The following TAF15 variants were observed in gnomAD, a reference collection of about 807,000 sequenced individuals.
TAF15 encodes the protein TATA-binding protein-associated factor 2N.
A neutral mutation model predicts 102.5 loss-of-function variants in TAF15; 37 were observed. The observed-to-expected ratio is 0.36, with a 90% CI of 0.28 to 0.47. The LOEUF (loss-of-function observed/expected upper bound fraction) is 0.47. TAF15 is among the 20% of genes least tolerant of loss of function. The probability of loss-of-function intolerance (pLI) is 0.99; values close to 1 mark genes in which losing one functional copy is unlikely to be tolerated. For missense variants in TAF15, 652 were observed against 760.7 expected (o/e 0.86, Z 1.68); for synonymous variants, 273 against 259.2 (o/e 1.05, Z -0.51).
At chr17:35,825,800 T>A (rs911252387) in intron 7 of TAF15, among the ~76,000 whole-genome samples, 3 of 151,946 alleles carry the variant, frequency 2.0e-5, no homozygotes, top group African/African-American at 7.2e-5. Flanking sequence ...TACAAAAAAT[T>A]AGCCAGACGT....
intron 1 of TAF15, among the ~76,000 whole-genome samples, chr17:35,813,374 C>T (rs540470459): frequency 9.2e-5 from 14 of 152,164 alleles, no homozygotes; most frequent in Admixed American, 3.9e-4. Context: ...TGGCTCATGC[C>T]TATAATCCCA....
At chr17:35,838,664 A>T (rs1322162233) in intron 11 of TAF15, 111 bp downstream of exon 11, 14 of 1,502,442 alleles carry the variant, frequency 9.3e-6, no homozygotes, top group African/African-American at 2.7e-5. Context: ...ACTTTTGCAG[A>T]TATTAAGAAT....
intron 11 of TAF15, among the ~76,000 whole-genome samples, chr17:35,842,085 A>T (rs2087554759): frequency 6.6e-6 from 1 of 151,554 alleles, no homozygotes; most frequent in South Asian, 2.1e-4. Flanking sequence ...CCTCCTGAGT[A>T]GCTGGGAGCT....
chr17:35,820,901 T>G (rs900817079), intron 5 of TAF15, among the ~76,000 whole-genome samples: 1 of 152,220 alleles, frequency 6.6e-6, no homozygotes, highest in Admixed American at 6.5e-5. Context: ...TATTTACTGA[T>G]AAATTTCAGG....
rs547630586 is a variant in TAF15 at position 35,821,093 on chromosome 17, A to C, written c.290+656A>C. 5.2e-4 allele frequency among the ~76,000 whole-genome samples: 79 copies of C among 152,322 alleles called. 1 individual carries two copies. The highest frequency in any genetic ancestry group is 2.4e-3 in the Admixed American group (36 of 15,294). ...ATAGTGTCAGTGATTCCCATTTTACAGAGGGTAAAGAAATTATTTGGCCTA... is the reference window on the plus strand; with the variant it reads ...ATAGTGTCAGTGATTCCCATTTTACCGAGGGTAAAGAAATTATTTGGCCTA... On this transcript the variant is annotated intron_variant, in intron 5 of 15. Coordinates refer to ENST00000605844, the MANE Select transcript of TAF15 (RefSeq NM_139215.3).
chr17:35,816,861 CGTGCAGGCTGGA>C (rs1375027752), intron 1 of TAF15: 1 of 105,212 alleles, frequency 9.5e-6, no homozygotes, highest in African/African-American at 3.8e-5. Flanking sequence ...GTCATTCAGT[CGTGCAGGCTGGA>C]GTGCAGTGGC....
At chr17:35,841,821 C>CT (rs1178053087) in intron 11 of TAF15, among the ~76,000 whole-genome samples, 2 of 151,896 alleles carry the variant, frequency 1.3e-5, no homozygotes, top group Non-Finnish European at 2.9e-5. Context: ...CCTCAGCCTT[C>CT]TGAGTAGCTA....
intron 6 of TAF15, among the ~76,000 whole-genome samples, chr17:35,823,370 A>C (rs761788566): frequency 6.6e-6 from 1 of 152,206 alleles, no homozygotes; most frequent in Non-Finnish European, 1.5e-5. Flanking sequence ...CTCAATTTAC[A>C]TTTAAATGTT....
At chr17:35,812,882 C>T (rs2087142742) in intron 1 of TAF15, among the ~76,000 whole-genome samples, 2 of 151,960 alleles carry the variant, frequency 1.3e-5, no homozygotes, top group South Asian at 2.1e-4. Flanking sequence ...AATCCCAGCC[C>T]TTTGGGATCC....
intron 7 of TAF15, among the ~76,000 whole-genome samples, chr17:35,825,720 G>A (rs1046295323): frequency 2.6e-5 from 4 of 152,036 alleles, no homozygotes; most frequent in African/African-American, 4.8e-5. Context: ...AGGCCGAGGC[G>A]GGCGGATCAC....
At chr17:35,819,725 A>C (rs1421098536) in intron 2 of TAF15, among the ~76,000 whole-genome samples, 2 of 152,292 alleles carry the variant, frequency 1.3e-5, no homozygotes, top group Admixed American at 1.3e-4. Flanking sequence ...CCCCACACCC[A>C]AGCATAATTC....
At chr17:35,828,131 C>G (rs912289807) in intron 7 of TAF15, among the ~76,000 whole-genome samples, 7 of 152,134 alleles carry the variant, frequency 4.6e-5, no homozygotes, top group African/African-American at 1.7e-4. Flanking sequence ...TTTAATGTGT[C>G]AAGCCTAAAA....
In TAF15 at chr17:35,844,708, G is replaced by T; in HGVS notation, c.1409G>T (p.Gly470Val). 1 of 1,598,210 alleles carries T rather than the reference G, an allele frequency of 6.3e-7. No homozygotes were observed. The highest frequency in any genetic ancestry group is 8.5e-7 in the Non-Finnish European group (1 of 1,171,868). ...GGGYGGDRGGGYGGDRGGGYG... is the reference protein window; with the variant it reads ...GGGYGGDRGGVYGGDRGGGYG... The stretch of plus-strand genomic sequence containing the variant: ...GGCTATGGTGGGGACAGAGGAGGCG[G>T]CTATGGAGGAGACCGAGGAGGTGGC... The change falls in exon 15 of 16, where the codon GGC becomes GTC. Residue 470 changes from glycine (G) to valine (V), a missense_variant. By Grantham distance (109) the Gly-to-Val change is moderately radical. Transcript: ENST00000605844.
chr17:35,822,498 A>G lies in TAF15; in HGVS notation c.291-142A>G, dbSNP rs4251744. On this transcript the variant is annotated intron_variant, in intron 5 of 15. Transcript: ENST00000605844. ...CGCAGGGAATTCCAGGAGACTGCAG[A>G]TAACTAATTACCATGAGAAGGTAGT... The G allele has an allele frequency of 0.071, 51,022 of 723,474 alleles. 3,188 individuals carry two copies. Among genetic ancestry groups the G allele is most frequent in the African/African-American group, 0.24 (13,792 of 56,672 alleles). The allele number at this position is 723,474 out of a possible 1,614,324, so 44.8% of individuals were successfully genotyped here. A position where few individuals can be genotyped will look rare whatever the true frequency, so the allele number is the denominator to read the frequency against.
At chr17:35,839,886 A>G (rs1189316151) in intron 11 of TAF15, among the ~76,000 whole-genome samples, 1 of 152,158 alleles carries the variant, frequency 6.6e-6, no homozygotes, top group Non-Finnish European at 1.5e-5. Context: ...TTACAAATTC[A>G]TCATTTTTGT....
rs114375984 is a variant in TAF15, at chr17:35,827,072, C to T, written c.605+2874C>T. On this transcript the variant is annotated intron_variant, in intron 7 of 15. Transcript: ENST00000605844. ...TTTCATTAGTCTTCATCAACACTCC[C>T]GTTTGTGTTCTCAGTCAAATTAAAA... Among the ~76,000 whole-genome samples the T allele has an allele frequency of 6.7e-3, 1,025 of 152,012 alleles. 9 individuals are homozygous for T. Among genetic ancestry groups the T allele is most frequent in the African/African-American group, 0.023 (970 of 41,446 alleles).
intron 6 of TAF15, chr17:35,823,706 CAAAAAAAAA>C (rs57004932): frequency 8.7e-5 from 14 of 161,406 alleles, no homozygotes; most frequent in African/African-American, 1.2e-4. Context: ...CTCTTGTCTC[CAAAAAAAAA>C]AAAAAAAAAA....
At chr17:35,834,741 T>C in intron 9 of TAF15, 143 bp downstream of exon 9, 1 of 152,784 alleles carries the variant, frequency 6.5e-6, no homozygotes, top group South Asian at 1.2e-4. Context: ...GCTTTATTTC[T>C]TTTTTTTTTT....
At chr17:35,823,000 C>T (rs1423410496) in intron 6 of TAF15, among the ~76,000 whole-genome samples, 167 bp downstream of exon 6, 3 of 152,200 alleles carry the variant, frequency 2.0e-5, no homozygotes, top group Admixed American at 6.5e-5. Flanking sequence ...CAGATTTCTA[C>T]TTCTGAACTT....
Sources: allele counts gnomAD v4.1 joint callset (sites outside exome capture counted in the v4.1 genomes callset), GRCh38; gene constraint gnomAD v4.1.1; transcripts MANE v1.5; gene names NCBI Gene and HGNC (gene_info 2026-07-23, HGNC 2026-07-21).